NUP153: variants seen among roughly 807,000 people sequenced by gnomAD.
The protein encoded by NUP153 is nuclear pore complex protein Nup153.
In NUP153, 27 loss-of-function variants were observed where a neutral mutation model predicts 134.6. The ratio of observed to expected loss-of-function variants is 0.20; its 90% CI spans 0.15 to 0.28. NUP153 has a LOEUF of 0.28. Ranked by LOEUF, NUP153 falls within the 10% of genes least tolerant of loss-of-function variation. The pLI is 1.00. For synonymous variants in NUP153, 640 were observed against 623.5 expected, an observed-to-expected ratio of 1.03 and a Z score of -0.40; for missense variants, 1,821 against 1,731.3, an observed-to-expected ratio of 1.05 and a Z score of -0.92.
chr6:17,660,933 C>A (rs1210198196), intron 11 of NUP153, among the ~76,000 whole-genome samples: 1 of 152,124 alleles, frequency 6.6e-6, no homozygotes, highest in Admixed American at 6.6e-5. Context: ...GGTAAATCTT[C>A]AAACTGGATA....
At chr6:17,618,875 A>G (rs1764492966) in intron 20 of NUP153, among the ~76,000 whole-genome samples, 1 of 152,186 alleles carries the variant, frequency 6.6e-6, no homozygotes, top group Admixed American at 6.5e-5. Flanking sequence ...AGAAGTTAAA[A>G]TCTCAACAGA....
At chr6:17,670,939 T>G (rs1335449356) in intron 5 of NUP153, among the ~76,000 whole-genome samples, 2 of 152,018 alleles carry the variant, frequency 1.3e-5, no homozygotes, top group African/African-American at 2.4e-5. Flanking sequence ...GCCTCCCGAG[T>G]AGCTGGGATT....
intron 20 of NUP153, among the ~76,000 whole-genome samples, chr6:17,621,904 C>T (rs922026683): frequency 3.3e-5 from 5 of 152,080 alleles, no homozygotes; most frequent in Non-Finnish European, 7.4e-5. Context: ...ATTTATTACA[C>T]ATTGTATGTA....
intron 20 of NUP153, among the ~76,000 whole-genome samples, chr6:17,622,313 A>G (rs1403999253): frequency 3.9e-5 from 6 of 152,092 alleles, no homozygotes; most frequent in Non-Finnish European, 8.8e-5. Flanking sequence ...CAAAAATGAA[A>G]CAGATGGGTG....
intron 14 of NUP153, among the ~76,000 whole-genome samples, chr6:17,645,242 C>CAAA (rs1010515280): frequency 1.5e-5 from 1 of 68,788 alleles, no homozygotes; most frequent in African/African-American, 4.6e-5. Context: ...GACTCTGTCT[C>CAAA]AAAAAAAAAA....
At position 17,706,399 on chromosome 6, in the gene NUP153, C is replaced by A. The variant is rs779243306; in HGVS notation, c.-12G>T. 17 of 1,602,234 alleles carry A rather than the reference C, an allele frequency of 1.1e-5. No individual in the cohort carries two copies. Among genetic ancestry groups the A allele is most frequent in the Non-Finnish European group, 1.4e-5 (16 of 1,172,846 alleles). ...GCTCCCGAGGCCATGGCGGAGCCTC[C>A]GCCGCTTCCCGCTCCGGGGCGGGTA... On this transcript the variant is annotated 5_prime_UTR_variant, in exon 1 of 22. Coordinates refer to ENST00000262077, the MANE Select transcript of NUP153 (RefSeq NM_005124.4). The surrounding 1 kb of genome is among the most constrained non-coding windows in gnomAD (Gnocchi z 5.9).
At chr6:17,683,528 G>GC (rs1257942200) in intron 2 of NUP153, among the ~76,000 whole-genome samples, 1 of 152,172 alleles carries the variant, frequency 6.6e-6, no homozygotes, top group African/African-American at 2.4e-5. Flanking sequence ...TTGTCCCCAA[G>GC]CAAGAGGTCT....
intron 12 of NUP153, among the ~76,000 whole-genome samples, chr6:17,648,210 G>C (rs566356453): frequency 6.6e-6 from 1 of 152,304 alleles, no homozygotes; most frequent in African/African-American, 2.4e-5. Flanking sequence ...AGCAGGCCAG[G>C]TACAGTGCCT....
intron 1 of NUP153, among the ~76,000 whole-genome samples, chr6:17,701,841 GGGGAAA>G (rs1421989095): frequency 9.7e-6 from 1 of 103,180 alleles, no homozygotes; most frequent in Non-Finnish European, 2.1e-5. Context: ...TCGGGGGGGG[GGGGAAA>G]AAAGCTAAAT....
chr6:17,632,308 C>CAAACAAACAAACAAAA (rs566424708), intron 17 of NUP153, among the ~76,000 whole-genome samples: 1 of 144,350 alleles, frequency 6.9e-6, no homozygotes, highest in Non-Finnish European at 1.6e-5. Context: ...CAAAAACAAA[C>CAAACAAACAAACAAAA]AAACAAACAA....
At chr6:17,691,326 T>A (rs1011037909) in intron 1 of NUP153, among the ~76,000 whole-genome samples, 3 of 152,202 alleles carry the variant, frequency 2.0e-5, no homozygotes, top group Admixed American at 6.5e-5. Flanking sequence ...TTTGCTAATA[T>A]TACACAGTAT....
rs891317940 is a variant in NUP153, at chr6:17,638,645, ACT to A, written c.1847-877_1847-876del. Among the ~76,000 whole-genome samples, 3 of 152,206 alleles carry A rather than the reference ACT, an allele frequency of 2.0e-5. No individual in the cohort carries two copies. Among genetic ancestry groups the A allele is most frequent in the Non-Finnish European group, 4.4e-5 (3 of 68,026 alleles). Reference sequence around the variant, plus strand: ...GGCATTACAGATTTCTTTTTCTTCTACTTTTTCAGATTTTCCTAATTTCAGTC... The same window carrying A: ...GGCATTACAGATTTCTTTTTCTTCTATTTTCAGATTTTCCTAATTTCAGTC... On this transcript the variant is annotated intron_variant, in intron 15 of 21. Coordinates refer to ENST00000262077, the MANE Select transcript of NUP153 (RefSeq NM_005124.4). This position sits in a 1 kb window ranked among gnomAD's most constrained non-coding sequence, Gnocchi z 4.0.
At chr6:17,663,883 C>T (rs1316141297) in intron 9 of NUP153, among the ~76,000 whole-genome samples, 1 of 151,990 alleles carries the variant, frequency 6.6e-6, no homozygotes, top group Non-Finnish European at 1.5e-5. Context: ...ACCTATGATC[C>T]AGCAATTCTA....
At position 17,675,834 on chromosome 6, in the gene NUP153, T is replaced by A. The variant is rs1284523469; in HGVS notation, c.335-64A>T. 6.6e-7 allele frequency: 1 copy of A among 1,512,344 alleles called. No homozygotes were observed. Among genetic ancestry groups the A allele is most frequent in the Non-Finnish European group, 9.2e-7 (1 of 1,090,172 alleles). 93.7% of individuals were successfully genotyped at this position (1,512,344 alleles called of 1,614,324 possible). ...AGAGCGATACACTACCACAAATGGTTTTTACTTTAAGAAAACACATTACAG... is the reference window on the plus strand; with the variant it reads ...AGAGCGATACACTACCACAAATGGTATTTACTTTAAGAAAACACATTACAG... On this transcript the variant is annotated intron_variant, in intron 2 of 21. Coordinates refer to ENST00000262077, the MANE Select transcript of NUP153 (RefSeq NM_005124.4). This position sits in a 1 kb window ranked among gnomAD's most constrained non-coding sequence, Gnocchi z 4.4.
intron 9 of NUP153, among the ~76,000 whole-genome samples, chr6:17,663,260 C>CACATATATATATAT (rs1389702878): frequency 7.1e-6 from 1 of 139,996 alleles, no homozygotes; most frequent in Non-Finnish European, 1.5e-5. Context: ...CACACACACA[C>CACATATATATATAT]ATATATATAT....
chr6:17,690,380 A>G (rs2113852771), intron 1 of NUP153, among the ~76,000 whole-genome samples: 1 of 143,396 alleles, frequency 7.0e-6, no homozygotes, highest in Non-Finnish European at 1.6e-5. Context: ...ACTCCGTCTC[A>G]AAAAAAAAAG....
intron 11 of NUP153, among the ~76,000 whole-genome samples, chr6:17,657,192 A>G (rs76643622): frequency 0.061 from 9,277 of 152,000 alleles, 384 homozygotes; most frequent in Non-Finnish European, 0.084. Flanking sequence ...ACTTTGCTGT[A>G]CTGAACAGTT....
At position 17,628,601 on chromosome 6, in the gene NUP153, G is replaced by C. The variant is rs1304620309; in HGVS notation, c.3544+54C>G. 1.0e-6 allele frequency: 1 copy of C among 963,906 alleles called. No homozygotes were observed. The highest frequency in any genetic ancestry group is 1.3e-6 in the Non-Finnish European group (1 of 786,912). The allele number at this position is 963,906 out of a possible 1,614,324, so 59.7% of individuals were successfully genotyped here. ...CATCTGTCAAGGCAACTTGTAAAAC[G>C]ACAACTTGTAAAAAAAAAAATAATA... is the stretch of plus-strand genomic sequence containing the variant. On this transcript the variant is annotated intron_variant, in intron 18 of 21. Coordinates refer to ENST00000262077, the MANE Select transcript of NUP153 (RefSeq NM_005124.4). This position sits in a 1 kb window ranked among gnomAD's most constrained non-coding sequence, Gnocchi z 5.4.
At chr6:17,630,775 A>G (rs537940449) in intron 17 of NUP153, among the ~76,000 whole-genome samples, 102 of 150,260 alleles carry the variant, frequency 6.8e-4, no homozygotes, top group African/African-American at 2.4e-3. Context: ...GAGAGGGGAG[A>G]GGAGAGAAGA....
Sources: gnomAD v4.1 joint callset for allele counts (sites outside exome capture counted in the v4.1 genomes callset) on GRCh38, gnomAD v4.1.1 for gene constraint, Gnocchi (gnomAD v3.1) non-coding constraint, MANE v1.5 for transcripts, NCBI Gene and HGNC (gene_info 2026-07-23, HGNC 2026-07-21) for gene names.